OSBPL1A: variants seen among roughly 807,000 people sequenced by gnomAD.
The protein encoded by OSBPL1A is oxysterol-binding protein-related protein 1.
Under a neutral mutation model 137.1 loss-of-function variants are expected in OSBPL1A, and 80 were observed. That is an observed-to-expected ratio of 0.58 (90% confidence interval 0.49 to 0.70). The LOEUF is 0.70. OSBPL1A is among the 30% of genes least tolerant of loss of function. OSBPL1A has a pLI of 0.00. For synonymous variants in OSBPL1A, 365 were observed against 389.7 expected, an observed-to-expected ratio of 0.94 and a Z score of 0.75; for missense variants, 970 against 1,129.4, an observed-to-expected ratio of 0.86 and a Z score of 2.02.
At chr18:24,203,546 T>G (rs574442076) in intron 17 of OSBPL1A, among the ~76,000 whole-genome samples, 17 of 152,358 alleles carry the variant, frequency 1.1e-4, no homozygotes, top group African/African-American at 4.1e-4. Flanking sequence ...TTTAGGCACA[T>G]GTACACGTAT....
At chr18:24,386,676 C>T (rs148555839) in intron 1 of OSBPL1A, among the ~76,000 whole-genome samples, 208 of 152,258 alleles carry the variant, frequency 1.4e-3, no homozygotes, top group African/African-American at 4.4e-3. Context: ...AAATGAAGTA[C>T]AGGCCGGGCA....
rs556804120 is a variant in OSBPL1A, at chr18:24,308,911, C to T, written c.1092+3073G>A. ...TCAGCCTCCAGAGTAGCTGGGACTA[C>T]AGGCGCCCGCCACCATGCCTGGCTA... On this transcript the variant is annotated intron_variant, in intron 13 of 27. Coordinates refer to ENST00000319481, the MANE Select transcript of OSBPL1A (RefSeq NM_080597.4). 3.9e-5 allele frequency among the ~76,000 whole-genome samples: 6 copies of T among 152,214 alleles called. No homozygotes were observed. In the South Asian group the frequency reaches 1.2e-3, roughly 32 times the overall value.
At chr18:24,272,096 G>C in intron 15 of OSBPL1A, 1 of 982,984 alleles carries the variant, frequency 1.0e-6, no homozygotes. Context: ...GGTAGGGACC[G>C]CCGGGGAAGC....
At position 24,172,459 on chromosome 18, in the gene OSBPL1A, T is replaced by C. The variant is rs141626958; in HGVS notation, c.2118A>G (p.Thr706=). The C allele has an allele frequency of 1.2e-6, 2 of 1,613,874 alleles. No individual in the cohort carries two copies. Among genetic ancestry groups the C allele is most frequent in the Non-Finnish European group, 1.7e-6 (2 of 1,179,906 alleles). ...TATTATGCACACAGCAGGTGGGATT[T>C]GTCCATGTATATGCCTCATTGTGTC... ...LLEHNEAYTW[T]NPTCCVHNII... The change falls in exon 22 of 28, where the codon ACA becomes ACG. Residue 706 remains threonine (T), a synonymous_variant. Transcript: ENST00000319481.
intron 15 of OSBPL1A, among the ~76,000 whole-genome samples, chr18:24,278,026 C>T (rs1315530457): frequency 6.6e-6 from 1 of 152,222 alleles, no homozygotes; most frequent in Non-Finnish European, 1.5e-5. Flanking sequence ...TTGATGCCCA[C>T]ACCCAACTCT....
At chr18:24,235,764 CAAG>C (rs1567965325) in intron 16 of OSBPL1A, among the ~76,000 whole-genome samples, 1 of 152,202 alleles carries the variant, frequency 6.6e-6, no homozygotes, top group Non-Finnish European at 1.5e-5. Context: ...GCAGTCAGCA[CAAG>C]GGCTTCCCCA....
intron 17 of OSBPL1A, among the ~76,000 whole-genome samples, chr18:24,212,984 T>C (rs767909599): frequency 6.6e-6 from 1 of 152,204 alleles, no homozygotes; most frequent in Non-Finnish European, 1.5e-5. Flanking sequence ...TAGTTTCAGG[T>C]TCGAATTCAG....
intron 16 of OSBPL1A, among the ~76,000 whole-genome samples, chr18:24,231,652 A>G (rs2088285183): frequency 6.6e-6 from 1 of 152,256 alleles, no homozygotes; most frequent in Non-Finnish European, 1.5e-5. Context: ...CAGATTGAAC[A>G]CAGTCTCCTT....
chr18:24,170,244 C>G, intron 24 of OSBPL1A, 83 bp downstream of exon 24: 2 of 1,504,948 alleles, frequency 1.3e-6, no homozygotes, highest in Non-Finnish European at 1.8e-6. Flanking sequence ...AAACTGTGAC[C>G]CTAGAACAGG....
At chr18:24,266,190 C>T (rs1486641727) in intron 15 of OSBPL1A, among the ~76,000 whole-genome samples, 2 of 152,164 alleles carry the variant, frequency 1.3e-5, no homozygotes, top group Non-Finnish European at 1.5e-5. Context: ...TACATAATAG[C>T]AGGTTTGAGT....
chr18:24,225,950 G>A (rs1392186896), intron 16 of OSBPL1A, among the ~76,000 whole-genome samples: 2 of 152,140 alleles, frequency 1.3e-5, no homozygotes, highest in Non-Finnish European at 2.9e-5. Flanking sequence ...TCCAGCCTGG[G>A]CAGAGTGAGA....
chr18:24,326,191 G>A (rs1387853324), intron 7 of OSBPL1A, among the ~76,000 whole-genome samples: 1 of 152,192 alleles, frequency 6.6e-6, no homozygotes, highest in Non-Finnish European at 1.5e-5. Flanking sequence ...CTTTCCATAA[G>A]GTGAGCCATG....
intron 4 of OSBPL1A, among the ~76,000 whole-genome samples, chr18:24,350,069 G>A (rs1228624156): frequency 6.6e-6 from 1 of 152,120 alleles, no homozygotes; most frequent in East Asian, 1.9e-4. Context: ...TTTTTAGCTC[G>A]GCATATGGCC....
At chr18:24,283,715 C>G (rs780128626) in intron 14 of OSBPL1A, among the ~76,000 whole-genome samples, 1 of 152,066 alleles carries the variant, frequency 6.6e-6, no homozygotes, top group Non-Finnish European at 1.5e-5. Context: ...TAGTAATTTT[C>G]CACTTTCAGG....
intron 2 of OSBPL1A, among the ~76,000 whole-genome samples, chr18:24,377,108 G>C (rs533370856): frequency 6.6e-6 from 1 of 152,252 alleles, no homozygotes; most frequent in African/African-American, 2.4e-5. Flanking sequence ...GCCCGAAAGC[G>C]AGCGAGGTCT....
chr18:24,290,615 G>A (rs1446503881), intron 14 of OSBPL1A, among the ~76,000 whole-genome samples: 1 of 152,164 alleles, frequency 6.6e-6, no homozygotes, highest in Non-Finnish European at 1.5e-5. Context: ...CCCGGCAGGC[G>A]GAGGTTGCAG....
At chr18:24,362,893 A>G (rs1453101141) in intron 4 of OSBPL1A, among the ~76,000 whole-genome samples, 3 of 152,206 alleles carry the variant, frequency 2.0e-5, no homozygotes, top group African/African-American at 7.2e-5. Flanking sequence ...AATGGCAGGA[A>G]CTTGGAGGAA....
In OSBPL1A at chr18:24,341,740, C is replaced by G. The variant is rs111551236; in HGVS notation, c.283-82G>C. 58 of 826,096 alleles carry G rather than the reference C, an allele frequency of 7.0e-5. No individual in the cohort carries two copies. In the African/African-American group the frequency reaches 8.4e-4, roughly 12 times the overall value. 51.2% of individuals were successfully genotyped at this position (826,096 alleles called of 1,614,324 possible). The stretch of plus-strand genomic sequence containing the variant: ...CCCTTTTCCAAATTACTAACTACTA[C>G]AGAGTCTCCACAATAGAAAAAAGCA... On this transcript the variant is annotated intron_variant, in intron 4 of 27. Coordinates refer to ENST00000319481, the MANE Select transcript of OSBPL1A (RefSeq NM_080597.4).
chr18:24,311,906 C>T, intron 13 of OSBPL1A, 78 bp downstream of exon 13: 2 of 1,508,218 alleles, frequency 1.3e-6, no homozygotes, highest in African/African-American at 1.4e-5. Context: ...CAAAACCTTA[C>T]ATCTTAAAGA....
Sources: allele counts gnomAD v4.1 joint callset (sites outside exome capture counted in the v4.1 genomes callset), GRCh38; gene constraint gnomAD v4.1.1; transcripts MANE v1.5; gene names NCBI Gene and HGNC (gene_info 2026-07-23, HGNC 2026-07-21).